PLPPR5: variants seen among roughly 807,000 people sequenced by gnomAD.
The protein encoded by PLPPR5 is phospholipid phosphatase-related protein type 5.
Under a neutral mutation model 33.9 loss-of-function variants are expected in PLPPR5, and 16 were observed. The ratio of observed to expected loss-of-function variants is 0.47; its 90% CI spans 0.32 to 0.72. PLPPR5 has a LOEUF of 0.72. PLPPR5 is among the 30% of genes least tolerant of loss of function. PLPPR5 has a pLI of 0.03. For missense variants in PLPPR5, 301 were observed against 406.7 expected (o/e 0.74, Z 2.23); for synonymous variants, 163 against 150.3 (o/e 1.08, Z -0.62).
At chr1:98,907,895 C>A (rs1410448830) in intron 5 of PLPPR5, among the ~76,000 whole-genome samples, 2 of 152,156 alleles carry the variant, frequency 1.3e-5, no homozygotes, top group African/African-American at 4.8e-5. Context: ...TATGTGCAAT[C>A]CTTGGAGGCA....
intron 2 of PLPPR5, among the ~76,000 whole-genome samples, chr1:98,953,569 T>G (rs557711878): frequency 8.6e-4 from 131 of 152,286 alleles, no homozygotes; most frequent in Non-Finnish European, 1.4e-3. Flanking sequence ...ATGGCAGGTT[T>G]ATAAGACATA....
intron 1 of PLPPR5, among the ~76,000 whole-genome samples, chr1:98,965,552 C>G (rs570603312): frequency 1.3e-5 from 2 of 152,280 alleles, no homozygotes; most frequent in Non-Finnish European, 1.5e-5. Context: ...GAATAGCAAC[C>G]TACAAGAATG....
At chr1:99,003,324 T>C (rs1318152745) in intron 1 of PLPPR5, among the ~76,000 whole-genome samples, 3 of 151,672 alleles carry the variant, frequency 2.0e-5, no homozygotes, top group Non-Finnish European at 4.4e-5. Flanking sequence ...CCAAACTTAA[T>C]GGATTCAACA....
At chr1:98,935,356 A>G (rs1038909008) in intron 3 of PLPPR5, among the ~76,000 whole-genome samples, 4 of 152,194 alleles carry the variant, frequency 2.6e-5, no homozygotes, top group African/African-American at 9.6e-5. Context: ...TTAGCAATCC[A>G]GGTAAGCCAT....
At chr1:98,903,712 G>A (rs947209757) in intron 5 of PLPPR5, among the ~76,000 whole-genome samples, 7 of 152,044 alleles carry the variant, frequency 4.6e-5, no homozygotes, top group South Asian at 2.1e-4. Context: ...ACTATGTGCC[G>A]AGAAGTTTAT....
chr1:98,998,625 A>G (rs1404672763), intron 1 of PLPPR5, among the ~76,000 whole-genome samples: 1 of 152,186 alleles, frequency 6.6e-6, no homozygotes. Flanking sequence ...ATCTTTAAAG[A>G]CTAATTAACA....
At chr1:98,952,937 T>C (rs1650841732) in intron 3 of PLPPR5, 133 bp downstream of exon 3, 1 of 1,087,474 alleles carries the variant, frequency 9.2e-7, no homozygotes, top group Admixed American at 2.7e-5. Flanking sequence ...TTATTAAAAA[T>C]AGATTAAATG....
chr1:98,989,048 A>G (rs571031388), intron 1 of PLPPR5, among the ~76,000 whole-genome samples: 1 of 152,204 alleles, frequency 6.6e-6, no homozygotes, highest in South Asian at 2.1e-4. Flanking sequence ...TAACAGAGTC[A>G]TGGGTTGTCA....
At chr1:98,940,464 A>G (rs1321604209) in intron 3 of PLPPR5, among the ~76,000 whole-genome samples, 2 of 151,908 alleles carry the variant, frequency 1.3e-5, no homozygotes, top group Non-Finnish European at 2.9e-5. Flanking sequence ...GGGAGGAAAA[A>G]ATTTAGTCCA....
At chr1:98,900,770 A>G (rs1474923614) in intron 5 of PLPPR5, among the ~76,000 whole-genome samples, 3 of 152,188 alleles carry the variant, frequency 2.0e-5, no homozygotes, top group Admixed American at 2.0e-4. Flanking sequence ...AAATTCTTGT[A>G]GAACCAGGAG....
At chr1:98,967,620 AATT>A (rs1469783076) in intron 1 of PLPPR5, among the ~76,000 whole-genome samples, 1 of 152,066 alleles carries the variant, frequency 6.6e-6, no homozygotes, top group African/African-American at 2.4e-5. Flanking sequence ...TTAATTAATT[AATT>A]AAGTCATATA....
intron 4 of PLPPR5, among the ~76,000 whole-genome samples, chr1:98,917,565 T>C (rs957113168): frequency 2.0e-5 from 3 of 152,182 alleles, no homozygotes; most frequent in African/African-American, 7.2e-5. Flanking sequence ...TCAAAACACT[T>C]TCTGTTACCT....
intron 1 of PLPPR5, among the ~76,000 whole-genome samples, chr1:98,994,395 A>T (rs540059002): frequency 1.3e-5 from 2 of 152,262 alleles, no homozygotes; most frequent in South Asian, 4.1e-4. Context: ...GGTCATCAAC[A>T]AATTAATGAA....
chr1:98,948,449 C>T (rs750638617), intron 3 of PLPPR5, among the ~76,000 whole-genome samples: 6 of 152,106 alleles, frequency 3.9e-5, no homozygotes, highest in Non-Finnish European at 8.8e-5. Context: ...CGTTTAATGC[C>T]ACAAATTCTT....
chr1:98,957,633 T>A (rs929779011), intron 1 of PLPPR5, among the ~76,000 whole-genome samples: 12 of 152,128 alleles, frequency 7.9e-5, no homozygotes, highest in African/African-American at 2.9e-4. Context: ...AAAAAATAAA[T>A]CTGCACACCT....
At chr1:98,906,168 A>G (rs1345584558) in intron 5 of PLPPR5, among the ~76,000 whole-genome samples, 2 of 151,162 alleles carry the variant, frequency 1.3e-5, no homozygotes, top group East Asian at 1.9e-4. Flanking sequence ...GTGTGTATAT[A>G]TATATAGTGT....
At chr1:98,964,061 C>T (rs1251692714) in intron 1 of PLPPR5, among the ~76,000 whole-genome samples, 14 of 152,120 alleles carry the variant, frequency 9.2e-5, no homozygotes, top group Admixed American at 9.2e-4. Context: ...CACGCGCTAC[C>T]ATTTTCACTA....
At chr1:99,003,768 G>T (rs143633931) in intron 1 of PLPPR5, among the ~76,000 whole-genome samples, 2 of 152,166 alleles carry the variant, frequency 1.3e-5, no homozygotes, top group Non-Finnish European at 2.9e-5. Context: ...CCCAGGGAGC[G>T]GAGCAGCCTT....
intron 5 of PLPPR5, among the ~76,000 whole-genome samples, chr1:98,904,954 G>T (rs148205167): frequency 6.6e-6 from 1 of 152,298 alleles, no homozygotes; most frequent in East Asian, 1.9e-4. Context: ...GCACCTAACA[G>T]CAGACTTTGC....
Sources: allele counts gnomAD v4.1 joint callset (sites outside exome capture counted in the v4.1 genomes callset), GRCh38; gene constraint gnomAD v4.1.1; transcripts MANE v1.5; gene names NCBI Gene and HGNC (gene_info 2026-07-23, HGNC 2026-07-21).